ANKRD26: variants seen among roughly 807,000 people sequenced by gnomAD.
ANKRD26 encodes the protein ankyrin repeat domain-containing protein 26.
Under a neutral mutation model 208.7 loss-of-function variants are expected in ANKRD26, and 141 were observed. The ratio of observed to expected loss-of-function variants is 0.68; its 90% confidence interval spans 0.59 to 0.78. The LOEUF is 0.78. Ranked by LOEUF, ANKRD26 falls within the 30% of genes least tolerant of loss-of-function variation. The probability of loss-of-function intolerance (pLI) is 0.00; values close to 1 mark genes in which losing one functional copy is unlikely to be tolerated. For synonymous variants in ANKRD26, 636 were observed against 660.4 expected (o/e 0.96, Z 0.57); for missense variants, 1,889 against 1,938.7 (o/e 0.97, Z 0.48).
chr10:27,000,129 C>A (rs1158817488), downstream of ANKRD26, among the ~76,000 whole-genome samples: 1 of 152,114 alleles, frequency 6.6e-6, no homozygotes. Context: ...GCAAAATAAA[C>A]CTCAGATCTT....
At chr10:26,981,797 G>A (rs1281122903) in intron 4 of ANKRD26, among the ~76,000 whole-genome samples, 2 of 152,168 alleles carry the variant, frequency 1.3e-5, no homozygotes, top group Non-Finnish European at 2.9e-5. Context: ...GGTTCTGCTT[G>A]TGGACCTAGC....
chr10:27,055,522 A>G (rs1367993120), intron 15 of ANKRD26, among the ~76,000 whole-genome samples: 2 of 152,244 alleles, frequency 1.3e-5, no homozygotes, highest in Non-Finnish European at 2.9e-5. Flanking sequence ...AGACCAGATC[A>G]CATGATTAAG....
chr10:27,024,008 A>ACAC (rs1564364148), intron 28 of ANKRD26, among the ~76,000 whole-genome samples: 1 of 151,598 alleles, frequency 6.6e-6, no homozygotes, highest in African/African-American at 2.4e-5. Context: ...ACACACACAC[A>ACAC]AAGAGGCAGA....
Position 27,035,105 on chromosome 10 carries a change from A to T in ANKRD26, c.3345T>A (p.Tyr1115Ter). The T allele has an allele frequency of 1.2e-6, 2 of 1,612,614 alleles. No homozygotes were observed. The highest frequency in any genetic ancestry group is 1.7e-6 in the Non-Finnish European group (2 of 1,179,288). Reference sequence around the variant, plus strand: ...TATTCACTTTAACTTGTTCATTTTGATACTTTTGTTCCATTTCCTTCATTT... The same window carrying T: ...TATTCACTTTAACTTGTTCATTTTGTTACTTTTGTTCCATTTCCTTCATTT... ...QCQMKEMEQK[Y>*]QNEQVKVNKY... The change falls in exon 24 of 34, where the codon TAT becomes TAA. Residue 1115 changes from tyrosine to a stop codon, truncating the protein, a stop_gained. Coordinates refer to ENST00000376087, the MANE Select transcript of ANKRD26 (RefSeq NM_014915.3). LOFTEE classifies it high-confidence loss of function.
chr10:27,073,586 G>A (rs888208826), intron 9 of ANKRD26, among the ~76,000 whole-genome samples: 1 of 152,136 alleles, frequency 6.6e-6, no homozygotes, highest in Non-Finnish European at 1.5e-5. Flanking sequence ...AGCTCCCCCT[G>A]CCACATTTGT....
chr10:26,978,971 C>G (rs2052267026), intron 5 of ANKRD26, among the ~76,000 whole-genome samples: 2 of 152,162 alleles, frequency 1.3e-5, no homozygotes, highest in Non-Finnish European at 2.9e-5. Context: ...GCCTGTAATC[C>G]CAGCACTTTG....
At chr10:27,051,928 T>G in intron 16 of ANKRD26, 1 of 985,366 alleles carries the variant, frequency 1.0e-6, no homozygotes, top group Non-Finnish European at 1.2e-6. Flanking sequence ...TTTAAGTTAT[T>G]TTTCCACTCT....
At chr10:27,022,470 A>G (rs1190626333) in intron 29 of ANKRD26, 88 bp downstream of exon 29, 1 of 1,091,422 alleles carries the variant, frequency 9.2e-7, no homozygotes, top group Non-Finnish European at 1.3e-6. Context: ...AAAAAAAAAA[A>G]TCTTTATTTC....
rs570066514 is a variant in ANKRD26 at position 27,057,487 on chromosome 10, G to A, written c.1564+2858C>T. Among the ~76,000 whole-genome samples, 17 of 152,058 alleles carry A rather than the reference G, an allele frequency of 1.1e-4. No homozygotes were observed. The East Asian group carries it at 2.9e-3, about 26-fold the overall frequency. On this transcript the variant is annotated intron_variant, in intron 15 of 33. Coordinates refer to ENST00000376087, the MANE Select transcript of ANKRD26 (RefSeq NM_014915.3). ...AGGTTTAAATATGGATGACAGTATT[G>A]TGTGTGTGTGTTTGTGTGTGTGTTC...
At chr10:27,006,782 G>C in intron 33 of ANKRD26, 135 bp downstream of exon 33, 1 of 691,134 alleles carries the variant, frequency 1.4e-6, no homozygotes, top group South Asian at 1.8e-5. Flanking sequence ...TCTTTCATTA[G>C]ATGTGTGTAA....
At chr10:26,987,572 T>G (rs901307216), downstream of ANKRD26, among the ~76,000 whole-genome samples, 8 of 152,184 alleles carry the variant, frequency 5.3e-5, no homozygotes, top group Non-Finnish European at 1.2e-4. Context: ...CTCAGCATTA[T>G]CCAGTGGCAT....
At chr10:27,059,739 T>C (rs11015494) in intron 15 of ANKRD26, among the ~76,000 whole-genome samples, 12,189 of 140,572 alleles carry the variant, frequency 0.087, 570 homozygotes, top group African/African-American at 0.14. Context: ...GGTGAAACCC[T>C]GTCTCTAAAA....
intron 27 of ANKRD26, among the ~76,000 whole-genome samples, chr10:27,026,775 A>G (rs1057412465): frequency 6.6e-6 from 1 of 151,854 alleles, no homozygotes; most frequent in African/African-American, 2.4e-5. Flanking sequence ...CCTTTCTGAG[A>G]CTGGACTGTT....
At chr10:26,953,205 A>G in the ANKRD26 span, among the ~76,000 whole-genome samples, 2 of 152,208 alleles carry the variant, frequency 1.3e-5, no homozygotes, top group East Asian at 3.9e-4. Flanking sequence ...TGGGAGGTTC[A>G]TTTGAGGCCG....
rs373840909 is a variant in ANKRD26, at chr10:27,098,987, TTTTC to T, written c.242+1094_242+1097del. Reference sequence around the variant, plus strand: ...CACTTCTGTATCTATTGCCACTTTCTTTTCTTTCTTTCTTTTTTTTGAGACAGAG... The same window carrying T: ...CACTTCTGTATCTATTGCCACTTTCTTTTCTTTCTTTTTTTTGAGACAGAG... On this transcript the variant is annotated intron_variant, in intron 1 of 33. Transcript: ENST00000376087. Among the ~76,000 whole-genome samples, 71 of 152,230 alleles carry T rather than the reference TTTTC, an allele frequency of 4.7e-4. 1 individual carries two copies. Among genetic ancestry groups the T allele is most frequent in the Admixed American group, 1.4e-3 (21 of 15,276 alleles).
chr10:27,086,959 A>G (rs1233762584), intron 4 of ANKRD26, among the ~76,000 whole-genome samples: 1 of 152,000 alleles, frequency 6.6e-6, no homozygotes, highest in African/African-American at 2.4e-5. Context: ...TTTTTAGTAG[A>G]GACAGGGTTT....
chr10:27,022,436 T>G (rs2053520870), intron 29 of ANKRD26, 122 bp downstream of exon 29: 1 of 754,490 alleles, frequency 1.3e-6, no homozygotes, highest in Non-Finnish European at 2.0e-6. Context: ...AAAGTTTTTT[T>G]ATTAGTATCA....
At chr10:27,051,096 T>C (rs1485794023) in intron 16 of ANKRD26, 2 of 1,283,964 alleles carry the variant, frequency 1.6e-6, no homozygotes, top group Non-Finnish European at 2.0e-6. Flanking sequence ...CTCCAAAGCC[T>C]GGAACTCTAC....
chr10:27,098,764 T>A (rs758792085), intron 1 of ANKRD26, among the ~76,000 whole-genome samples: 67 of 151,936 alleles, frequency 4.4e-4, no homozygotes, highest in Admixed American at 9.2e-4. Context: ...TTAGCCAGGA[T>A]GGTCTCGATC....
Sources: gnomAD v4.1 joint callset for allele counts (sites outside exome capture counted in the v4.1 genomes callset) on GRCh38, gnomAD v4.1.1 for gene constraint, MANE v1.5 for transcripts, NCBI Gene and HGNC (gene_info 2026-07-23, HGNC 2026-07-21) for gene names.